CGGBP1: variants seen among roughly 807,000 people sequenced by gnomAD.
The protein encoded by CGGBP1 is CGG triplet repeat-binding protein 1.
CGGBP1 carries 4 observed loss-of-function variants against 11.4 expected under a neutral mutation model. The ratio of observed to expected loss-of-function variants is 0.35; its 90% CI spans 0.17 to 0.80. CGGBP1 has a LOEUF of 0.80. Ranked by LOEUF, CGGBP1 falls within the 30% of genes least tolerant of loss-of-function variation. The pLI is 0.52. For missense variants in CGGBP1, 135 were observed against 202.1 expected (o/e 0.67, Z 2.01); for synonymous variants, 76 against 74.1 (o/e 1.03, Z -0.13).
intron 2 of CGGBP1, among the ~76,000 whole-genome samples, chr3:88,119,986 ATAAT>A (rs1258639357): frequency 6.6e-6 from 1 of 152,184 alleles, no homozygotes; most frequent in Non-Finnish European, 1.5e-5. Context: ...TAAACAAGGA[ATAAT>A]TATTCATATT....
intron 2 of CGGBP1, among the ~76,000 whole-genome samples, chr3:88,071,835 A>G (rs1707533175): frequency 1.3e-5 from 2 of 152,194 alleles, no homozygotes; most frequent in African/African-American, 2.4e-5. Flanking sequence ...TTCCGTATCA[A>G]ACTTCACTTT....
At chr3:88,074,947 G>A (rs560751577) in intron 2 of CGGBP1, among the ~76,000 whole-genome samples, 1 of 152,186 alleles carries the variant, frequency 6.6e-6, no homozygotes, top group Admixed American at 6.5e-5. Context: ...CTCATCAAGT[G>A]TTTAATTGTG....
chr3:88,099,859 A>G (rs980930166), intron 2 of CGGBP1, among the ~76,000 whole-genome samples: 3 of 152,252 alleles, frequency 2.0e-5, no homozygotes, highest in African/African-American at 7.2e-5. Context: ...TAGACCTAAA[A>G]CCATAAAAAC....
intron 2 of CGGBP1, chr3:88,140,172 C>T: frequency 6.2e-7 from 1 of 1,613,832 alleles, no homozygotes; most frequent in Non-Finnish European, 8.5e-7. Context: ...GCTTGCCCAG[C>T]ACACAAAAAG....
chr3:88,077,173 A>G (rs1356340186), intron 2 of CGGBP1, among the ~76,000 whole-genome samples: 2 of 152,178 alleles, frequency 1.3e-5, no homozygotes, highest in African/African-American at 2.4e-5. Context: ...TAAAAATATA[A>G]GAATCAGAAT....
intron 2 of CGGBP1, among the ~76,000 whole-genome samples, chr3:88,104,783 T>C (rs181907842): frequency 1.1e-4 from 16 of 152,258 alleles, no homozygotes; most frequent in Admixed American, 9.2e-4. Flanking sequence ...AACAGAACAA[T>C]GAATAGACAG....
chr3:88,139,835 A>G, intron 2 of CGGBP1: 8 of 1,576,584 alleles, frequency 5.1e-6, no homozygotes, highest in Non-Finnish European at 6.9e-6. Flanking sequence ...AAGAAACTTC[A>G]GTAATTCATA....
intron 2 of CGGBP1, 154 bp from the exon 3 acceptor site, chr3:88,057,446 C>G (rs1403637812): frequency 6.6e-6 from 1 of 151,994 alleles, no homozygotes; most frequent in Non-Finnish European, 1.5e-5. Context: ...CTAGTACTTA[C>G]CATTACACGT....
intron 2 of CGGBP1, chr3:88,086,488 A>T: frequency 8.4e-7 from 1 of 1,186,566 alleles, no homozygotes; most frequent in Non-Finnish European, 1.1e-6. Flanking sequence ...TGAAGAAGAA[A>T]CCTTTCCTAA....
intron 2 of CGGBP1, chr3:88,095,979 T>C (rs534315134): frequency 1.1e-3 from 288 of 264,164 alleles, no homozygotes; most frequent in African/African-American, 5.9e-3. Context: ...CGTGTTGCAC[T>C]GTTCTACCTG....
At chr3:88,082,405 G>A (rs544435725) in intron 2 of CGGBP1, among the ~76,000 whole-genome samples, 13 of 152,326 alleles carry the variant, frequency 8.5e-5, no homozygotes, top group South Asian at 2.1e-4. Flanking sequence ...GATTACAGGC[G>A]TGAGCCACCA....
At chr3:88,139,226 G>A in intron 2 of CGGBP1, 5 of 1,489,262 alleles carry the variant, frequency 3.4e-6, no homozygotes, top group Non-Finnish European at 4.5e-6. Flanking sequence ...CTGGAGTGCA[G>A]CCTAAAGGTC....
intron 2 of CGGBP1, chr3:88,139,501 A>G: frequency 6.2e-7 from 1 of 1,613,632 alleles, no homozygotes. Flanking sequence ...CAGGATGATC[A>G]GGAAGTCACT....
chr3:88,145,285 T>C (rs1219060184), intron 1 of CGGBP1, among the ~76,000 whole-genome samples: 1 of 151,970 alleles, frequency 6.6e-6, no homozygotes, highest in Non-Finnish European at 1.5e-5. Flanking sequence ...GGGCTTTAAG[T>C]AGGAAAAAAA....
intron 2 of CGGBP1, chr3:88,135,115 A>G: frequency 6.7e-7 from 1 of 1,483,198 alleles, no homozygotes; most frequent in South Asian, 1.4e-5. Flanking sequence ...CTTCAAAACA[A>G]GTTTTTGTAG....
At chr3:88,079,760 A>G (rs1176391275) in intron 2 of CGGBP1, among the ~76,000 whole-genome samples, 1 of 152,082 alleles carries the variant, frequency 6.6e-6, no homozygotes, top group African/African-American at 2.4e-5. Context: ...ATTCTGTCTT[A>G]TTACATTTAC....
rs540195111 is a variant in CGGBP1 at position 88,129,882 on chromosome 3, T to A, written c.-229+11088A>T. 16 of 1,319,422 alleles carry A rather than the reference T, an allele frequency of 1.2e-5. No homozygotes were observed. The African/African-American group carries it at 2.2e-4, about 18-fold the overall frequency. The allele number at this position is 1,319,422 out of a possible 1,614,324, so 81.7% of individuals were successfully genotyped here. On this transcript the variant is annotated intron_variant, in intron 2 of 3. Transcript: ENST00000462901. ...GGTAAGATGGGCAACAGAAAGGAAA[T>A]TGCAGTTTGAACTTTGTTTTTTACA...
chr3:88,078,658 G>C (rs1707934703), intron 2 of CGGBP1, among the ~76,000 whole-genome samples: 1 of 151,992 alleles, frequency 6.6e-6, no homozygotes, highest in African/African-American at 2.4e-5. Flanking sequence ...CATTAAATCA[G>C]GTCATTCCAA....
At chr3:88,141,199 C>G (rs1208160142) in intron 1 of CGGBP1, 13 of 861,756 alleles carry the variant, frequency 1.5e-5, no homozygotes, top group Non-Finnish European at 2.1e-5. Context: ...TTAATACATA[C>G]AACCACTATG....
Sources: gnomAD v4.1 joint callset for allele counts (sites outside exome capture counted in the v4.1 genomes callset) on GRCh38, gnomAD v4.1.1 for gene constraint, MANE v1.5 for transcripts, NCBI Gene and HGNC (gene_info 2026-07-23, HGNC 2026-07-21) for gene names.